The following UBE2L3 variants were observed in gnomAD, a reference collection of about 807,000 sequenced individuals.
The protein encoded by UBE2L3 is ubiquitin conjugating enzyme E2 L3, also known as ubiquitin-conjugating enzyme E2 L3.
A neutral mutation model predicts 17.8 loss-of-function variants in UBE2L3; 1 was observed. The observed-to-expected ratio is 0.06, with a 90% CI of 0.02 to 0.27. The LOEUF is 0.27. UBE2L3 is among the 10% of genes least tolerant of loss of function. The pLI is 1.00. For synonymous variants in UBE2L3, 44 were observed against 68.5 expected (o/e 0.64, Z 1.76); for missense variants, 40 against 192.6 (o/e 0.21, Z 4.69).
intron 1 of UBE2L3, among the ~76,000 whole-genome samples, chr22:21,559,423 G>T (rs1381491588): frequency 6.6e-6 from 1 of 151,684 alleles, no homozygotes; most frequent in African/African-American, 2.4e-5. Flanking sequence ...TTTCAAACTG[G>T]GTTCCTCAGG....
At chr22:21,595,228 T>C (rs1928450578) in intron 2 of UBE2L3, among the ~76,000 whole-genome samples, 1 of 152,250 alleles carries the variant, frequency 6.6e-6, no homozygotes, top group African/African-American at 2.4e-5. Context: ...TACCACTTCT[T>C]CTCGGTCCTC....
At chr22:21,559,320 C>T (rs917255080) in intron 1 of UBE2L3, among the ~76,000 whole-genome samples, 3 of 150,742 alleles carry the variant, frequency 2.0e-5, no homozygotes, top group Admixed American at 1.3e-4. Context: ...TGCACTCCAG[C>T]CTGGGTGACA....
intron 1 of UBE2L3, among the ~76,000 whole-genome samples, chr22:21,577,540 A>AC (rs1221621386): frequency 2.8e-4 from 42 of 152,318 alleles, no homozygotes; most frequent in Admixed American, 2.7e-3. Flanking sequence ...GAAAGCAGAC[A>AC]CCAGTGGCCT....
At chr22:21,574,730 G>C (rs751619269) in intron 1 of UBE2L3, among the ~76,000 whole-genome samples, 29 of 152,296 alleles carry the variant, frequency 1.9e-4, no homozygotes, top group Non-Finnish European at 3.7e-4. Flanking sequence ...ACCTTGGGAG[G>C]CCGAGGTGGG....
chr22:21,619,643 GT>G (rs1210757035), intron 3 of UBE2L3, among the ~76,000 whole-genome samples: 1 of 152,210 alleles, frequency 6.6e-6, no homozygotes, highest in African/African-American at 2.4e-5. Context: ...AATGTGTGCT[GT>G]TGAATGATTA....
chr22:21,567,759 G>A lies in UBE2L3; in HGVS notation c.15G>A (p.Arg5=), dbSNP rs1466407014. The change falls in exon 1 of 4, where the codon AGG becomes AGA. Residue 5 remains arginine, a synonymous_variant. Coordinates refer to ENST00000342192, the MANE Select transcript of UBE2L3 (RefSeq NM_003347.4). ...CCAAATCCAAGATGGCGGCCAGCAG[G>A]AGGCTGATGAAGGTAAAAGCCATTC... MAAS[R]RLMKELEEIR... 1.3e-6 allele frequency: 2 copies of A among 1,584,298 alleles called. No individual in the cohort carries two copies. Among genetic ancestry groups the A allele is most frequent in the African/African-American group, 2.7e-5 (2 of 74,906 alleles).
rs1930071121 is a variant in UBE2L3 at position 21,622,273 on chromosome 22, A to G, written c.*604A>G. On this transcript the variant is annotated 3_prime_UTR_variant, in exon 4 of 4. Coordinates refer to ENST00000342192, the MANE Select transcript of UBE2L3 (RefSeq NM_003347.4). ...CACCCCTCCTCCAGTCCTTCTCCTCAGTTCTTGTGTGAAACTCCAGCTGAT... is the reference window on the plus strand; with the variant it reads ...CACCCCTCCTCCAGTCCTTCTCCTCGGTTCTTGTGTGAAACTCCAGCTGAT... The G allele has an allele frequency of 6.5e-6, 1 of 152,912 alleles. No homozygotes were observed. Among genetic ancestry groups the G allele is most frequent in the African/African-American group, 2.4e-5 (1 of 41,406 alleles). The allele number at this position is 152,912 out of a possible 1,614,324, so 9.5% of individuals were successfully genotyped here. A position where few individuals can be genotyped will look rare whatever the true frequency, so the allele number is the denominator to read the frequency against.
intron 1 of UBE2L3, among the ~76,000 whole-genome samples, chr22:21,575,435 A>G (rs1394062726): frequency 2.2e-4 from 31 of 140,632 alleles, no homozygotes; most frequent in Non-Finnish European, 4.5e-4. Flanking sequence ...AAAAAAATAC[A>G]AAAATCAGCC....
intron 1 of UBE2L3, among the ~76,000 whole-genome samples, chr22:21,562,087 C>A (rs376389627): frequency 0.012 from 1,760 of 152,096 alleles, 21 homozygotes; most frequent in African/African-American, 0.04. Flanking sequence ...CTCCTCTGAG[C>A]CCCCACACCT....
intron 2 of UBE2L3, among the ~76,000 whole-genome samples, chr22:21,595,957 C>T (rs1928497182): frequency 6.6e-6 from 1 of 152,140 alleles, no homozygotes; most frequent in Non-Finnish European, 1.5e-5. Context: ...CCTCCGCCTC[C>T]CGGGTTCAAG....
intron 1 of UBE2L3, among the ~76,000 whole-genome samples, chr22:21,570,991 A>G (rs1170163314): frequency 6.6e-6 from 1 of 152,236 alleles, no homozygotes; most frequent in Non-Finnish European, 1.5e-5. Flanking sequence ...TTAAAAGTAG[A>G]GTGATTTACA....
intron 3 of UBE2L3, among the ~76,000 whole-genome samples, chr22:21,615,417 T>C (rs1419778771): frequency 2.0e-5 from 3 of 151,404 alleles, no homozygotes; most frequent in Non-Finnish European, 2.9e-5. Context: ...TAGCCGAGCT[T>C]GGTGGCAGGC....
intron 2 of UBE2L3, among the ~76,000 whole-genome samples, chr22:21,603,304 G>A (rs1928961339): frequency 6.6e-6 from 1 of 152,060 alleles, no homozygotes; most frequent in African/African-American, 2.4e-5. Context: ...GAGGCAGGCG[G>A]ATCACCTGAG....
chr22:21,574,172 C>A (rs1313014768), intron 1 of UBE2L3, among the ~76,000 whole-genome samples: 1 of 152,114 alleles, frequency 6.6e-6, no homozygotes, highest in East Asian at 1.9e-4. Flanking sequence ...TCCCCAAGCC[C>A]CCCACCCCTA....
chr22:21,578,394 G>A (rs1458850927), intron 1 of UBE2L3, among the ~76,000 whole-genome samples: 1 of 151,506 alleles, frequency 6.6e-6, no homozygotes, highest in Non-Finnish European at 1.5e-5. Flanking sequence ...GTCAGCATAA[G>A]AAAACCTAAG....
chr22:21,585,474 C>T (rs1465334030), intron 1 of UBE2L3, among the ~76,000 whole-genome samples: 2 of 152,218 alleles, frequency 1.3e-5, no homozygotes, highest in Non-Finnish European at 2.9e-5. Context: ...ACATCTCTCT[C>T]AGCCCACTTC....
At chr22:21,578,027 T>C (rs1193814102) in intron 1 of UBE2L3, among the ~76,000 whole-genome samples, 2 of 151,950 alleles carry the variant, frequency 1.3e-5, no homozygotes, top group Non-Finnish European at 2.9e-5. Context: ...TGAGATGGCT[T>C]ATAAAAAAGT....
At chr22:21,588,463 C>CTTTTTT (rs1255043408) in intron 1 of UBE2L3, among the ~76,000 whole-genome samples, 62 of 103,302 alleles carry the variant, frequency 6.0e-4, no homozygotes, top group African/African-American at 1.1e-3. Context: ...TTTCTTCTTT[C>CTTTTTT]TTTTTTTTTT....
upstream of UBE2L3, among the ~76,000 whole-genome samples, chr22:21,564,699 C>T (rs1926570299): frequency 6.6e-6 from 1 of 152,210 alleles, no homozygotes; most frequent in African/African-American, 2.4e-5. Context: ...ACATCCGGGT[C>T]AAAGGTATGA....
Sources: allele counts gnomAD v4.1 joint callset (sites outside exome capture counted in the v4.1 genomes callset), GRCh38; gene constraint gnomAD v4.1.1; transcripts MANE v1.5; gene names NCBI Gene and HGNC (gene_info 2026-07-23, HGNC 2026-07-21).